Variants in SPAG17 observed in about 807,000 individuals in gnomAD.
SPAG17 encodes the protein sperm associated antigen 17, also known as sperm-associated antigen 17.
Under a neutral mutation model 273.6 loss-of-function variants are expected in SPAG17, and 169 were observed. The ratio of observed to expected loss-of-function variants is 0.62; its 90% CI spans 0.55 to 0.70. SPAG17 has a LOEUF of 0.70. SPAG17 is among the 30% of genes least tolerant of loss of function. The pLI, the probability that SPAG17 is intolerant of heterozygous loss-of-function variation, is 0.00. For synonymous variants in SPAG17, 825 were observed against 873.2 expected (o/e 0.94, Z 0.97); for missense variants, 2,557 against 2,627.8 (o/e 0.97, Z 0.59).
Position 118,085,989 on chromosome 1 carries a change from T to C in SPAG17, c.1695A>G (p.Leu565=), listed in dbSNP as rs1381696563. The C allele has an allele frequency of 5.0e-6, 8 of 1,613,624 alleles. No individual in the cohort carries two copies. The highest frequency in any genetic ancestry group is 1.7e-5 in the Admixed American group (1 of 59,890). ...GTTTAGTGTTGTTCCATGGTGGGGG[T>C]AGAGGGAATTGAAGAAATTCCCACA... ...LPLWEFLQFP[L]PPPWNNTKRL... Residue 565 remains leucine (L), a synonymous_variant, in exon 13 of 49, where the codon CTA becomes CTG. Coordinates refer to ENST00000336338, the MANE Select transcript of SPAG17 (RefSeq NM_206996.4).
chr1:117,996,300 G>T, intron 34 of SPAG17, 70 bp downstream of exon 34: 1 of 1,501,480 alleles, frequency 6.7e-7, no homozygotes, highest in South Asian at 1.4e-5. Flanking sequence ...CATGAAGATA[G>T]ACTGGATAGT....
chr1:118,017,088 A>T (rs543955192), intron 28 of SPAG17, among the ~76,000 whole-genome samples: 5 of 152,320 alleles, frequency 3.3e-5, no homozygotes, highest in Admixed American at 6.5e-5. Context: ...GGACTCAACT[A>T]ATGGGAAGAA....
At chr1:118,083,504 C>A (rs755138106) in intron 13 of SPAG17, among the ~76,000 whole-genome samples, 1 of 151,806 alleles carries the variant, frequency 6.6e-6, no homozygotes, top group African/African-American at 2.4e-5. Context: ...ACAGAGACAG[C>A]GGTGGGGCGC....
intron 23 of SPAG17, among the ~76,000 whole-genome samples, chr1:118,037,444 T>A (rs1649211219): frequency 6.6e-6 from 1 of 152,180 alleles, no homozygotes; most frequent in Non-Finnish European, 1.5e-5. Flanking sequence ...GACACTTTCA[T>A]CACCCAGTTA....
chr1:117,977,862 T>C lies in SPAG17; in HGVS notation c.6004+3408A>G, dbSNP rs554449292. On this transcript the variant is annotated intron_variant, in intron 43 of 48. Transcript: ENST00000336338. ...CTCGATCATTCCTTTTATTCACTGG[T>C]GATTTTAACACCTGAGAGGGTCTCC... Among the ~76,000 whole-genome samples, 3 of 152,322 alleles carry C rather than the reference T, an allele frequency of 2.0e-5. No individual in the cohort carries two copies. In the South Asian group the frequency reaches 6.2e-4, roughly 32 times the overall value.
At chr1:118,013,164 T>C (rs2101786072) in intron 29 of SPAG17, among the ~76,000 whole-genome samples, 1 of 152,344 alleles carries the variant, frequency 6.6e-6, no homozygotes, top group Non-Finnish European at 1.5e-5. Flanking sequence ...GTACTGTAAA[T>C]TGCATAATGC....
chr1:118,002,996 C>T (rs113393439), intron 32 of SPAG17, among the ~76,000 whole-genome samples: 9,815 of 152,164 alleles, frequency 0.065, 524 homozygotes, highest in East Asian at 0.31. Context: ...GTGCTTCCTT[C>T]GGGTGCTCTT....
rs374707918 is a variant in SPAG17, at chr1:117,983,795, T to C, written c.5872+16A>G. On this transcript the variant is annotated intron_variant, in intron 42 of 48. Transcript: ENST00000336338. The stretch of plus-strand genomic sequence containing the variant: ...ACGGACATTTAATAGGAATATGTGC[T>C]ATGCTAACATATTACCTAGATTAAG... 96 of 1,511,560 alleles carry C rather than the reference T, an allele frequency of 6.4e-5. No individual in the cohort carries two copies. The highest frequency in any genetic ancestry group is 8.6e-5 in the Non-Finnish European group (94 of 1,090,380). 93.6% of individuals were successfully genotyped at this position (1,511,560 alleles called of 1,614,324 possible).
intron 1 of SPAG17, among the ~76,000 whole-genome samples, chr1:118,155,436 C>A (rs563881850): frequency 3.3e-5 from 5 of 152,286 alleles, no homozygotes; most frequent in African/African-American, 1.2e-4. Context: ...TTTGGACAAT[C>A]GGATTGTAAT....
At chr1:118,086,443 T>C (rs2102168987) in intron 12 of SPAG17, among the ~76,000 whole-genome samples, 1 of 152,322 alleles carries the variant, frequency 6.6e-6, no homozygotes, top group Non-Finnish European at 1.5e-5. Context: ...TAACAATTAA[T>C]TGAATTGTTA....
chr1:117,963,912 T>C lies in SPAG17; in HGVS notation c.6559A>G (p.Lys2187Glu). The change falls in exon 48 of 49, where the codon AAA (lysine) becomes GAA (glutamate). Residue 2187 changes from lysine (K) to glutamate (E), a missense_variant. Physicochemically the swap from Lys to Glu is moderately conservative, Grantham distance 56. Coordinates refer to ENST00000336338, the MANE Select transcript of SPAG17 (RefSeq NM_206996.4). Reference sequence around the variant, plus strand: ...CCCTGGGGAAAGTCTTTTGGTCGTTTATCATAATTGCTGCTTGTTAAAACA... The same window carrying C: ...CCCTGGGGAAAGTCTTTTGGTCGTTCATCATAATTGCTGCTTGTTAAAACA... ...ATVLTSSNYDKRPKDFPQGKE... is the reference protein window; with the variant it reads ...ATVLTSSNYDERPKDFPQGKE... 1 of 1,614,036 alleles carries C rather than the reference T, an allele frequency of 6.2e-7. No individual in the cohort carries two copies. The highest frequency in any genetic ancestry group is 1.7e-5 in the Admixed American group (1 of 60,018).
intron 10 of SPAG17, among the ~76,000 whole-genome samples, chr1:118,090,322 C>G (rs1043972028): frequency 1.3e-5 from 2 of 152,054 alleles, no homozygotes; most frequent in Non-Finnish European, 2.9e-5. Flanking sequence ...TTTGAATTTG[C>G]TAACTTGCAG....
In SPAG17 at chr1:117,981,278, G is replaced by C. The variant is rs768738068; in HGVS notation, c.5996C>G (p.Ser1999Cys). The C allele has an allele frequency of 5.1e-6, 8 of 1,566,148 alleles. No homozygotes were observed. Among genetic ancestry groups the C allele is most frequent in the Admixed American group, 2.3e-5 (1 of 44,396 alleles). ...AAAAAAGACTGCCATACCTTCAGGA[G>C]ATTTTGTTAAATTTTCAGTTTGGTT... ...AQNQTENLTK[S>C]PEEAESYEPV... is the part of the protein sequence containing the mutation. The change falls in exon 43 of 49, where the codon TCT becomes TGT. Residue 1999 changes from serine (S) to cysteine (C), a missense_variant. Transcript: ENST00000336338.
At chr1:118,158,307 T>C (rs1254381385) in intron 1 of SPAG17, among the ~76,000 whole-genome samples, 3 of 151,864 alleles carry the variant, frequency 2.0e-5, no homozygotes, top group African/African-American at 7.3e-5. Context: ...TCAATTAGAG[T>C]CAAATGAGAA....
chr1:118,008,033 C>T lies in SPAG17; in HGVS notation c.4587+11G>A, dbSNP rs76150005. 1,244 of 1,613,746 alleles carry T rather than the reference C, an allele frequency of 7.7e-4. 13 individuals carry two copies. In the African/African-American group the frequency reaches 0.015, roughly 19 times the overall value. The stretch of plus-strand genomic sequence containing the variant: ...CATCTTTGGCGCTTCTCATTTTCCT[C>T]GTAGACCTACCTGGTATGTTCCCTG... On this transcript the variant is annotated intron_variant, in intron 31 of 48. Coordinates refer to ENST00000336338, the MANE Select transcript of SPAG17 (RefSeq NM_206996.4).
intron 41 of SPAG17, 93 bp from the exon 42 acceptor site, chr1:117,984,006 AT>A (rs1571146226): frequency 1.7e-6 from 1 of 582,120 alleles, no homozygotes; most frequent in Non-Finnish European, 3.0e-6. Context: ...ATGAAAACAT[AT>A]TTTTAATGCC....
chr1:117,963,701 A>G (rs1307847908), intron 48 of SPAG17, 98 bp downstream of exon 48: 6 of 1,159,850 alleles, frequency 5.2e-6, no homozygotes, highest in Admixed American at 2.6e-5. Context: ...CAGGTGGCTT[A>G]TAGGTTTCTG....
At position 117,971,839 on chromosome 1, in the gene SPAG17, A is replaced by G. The variant is rs1434816026; in HGVS notation, c.6326+24T>C. 9.4e-6 allele frequency: 15 copies of G among 1,596,732 alleles called. No individual in the cohort carries two copies. In the Admixed American group the frequency reaches 1.6e-4, roughly 17 times the overall value. ...CAGGGTAGGGAAAGGTAACCTGAGC[A>G]GACCTTTGGTCCCTTGGCCTCACCT... On this transcript the variant is annotated intron_variant, in intron 45 of 48. Transcript: ENST00000336338.
intron 25 of SPAG17, among the ~76,000 whole-genome samples, chr1:118,029,026 G>C (rs945362678): frequency 7.9e-5 from 12 of 152,148 alleles, no homozygotes; most frequent in Non-Finnish European, 1.3e-4. Context: ...GAGTTGGGTA[G>C]ATCACCTGAG....
Sources: gnomAD v4.1 joint callset for allele counts (sites outside exome capture counted in the v4.1 genomes callset) on GRCh38, gnomAD v4.1.1 for gene constraint, MANE v1.5 for transcripts, NCBI Gene and HGNC (gene_info 2026-07-23, HGNC 2026-07-21) for gene names.